The following MMUT variants were observed in gnomAD, a reference collection of about 807,000 sequenced individuals.
The protein encoded by MMUT is methylmalonyl-CoA mutase, mitochondrial.
Under a neutral mutation model 79.9 loss-of-function variants are expected in MMUT, and 79 were observed. That is an observed-to-expected ratio of 0.99 (90% CI 0.82 to 1.19). MMUT has a LOEUF of 1.19. MMUT is among the 50% of genes most tolerant of loss of function. MMUT has a pLI of 0.00. For synonymous variants in MMUT, 273 were observed against 295.7 expected, an observed-to-expected ratio of 0.92 and a Z score of 0.79; for missense variants, 860 against 917.2, an observed-to-expected ratio of 0.94 and a Z score of 0.81.
chr6:49,443,700 C>T (rs576876631), intron 9 of MMUT: 1 of 337,242 alleles, frequency 3.0e-6, no homozygotes, highest in Non-Finnish European at 5.9e-6. Context: ...CATTAAGTGC[C>T]ATATTCTGTT....
chr6:49,441,388 A>G (rs1166869529), intron 10 of MMUT, among the ~76,000 whole-genome samples: 1 of 152,010 alleles, frequency 6.6e-6, no homozygotes, highest in Non-Finnish European at 1.5e-5. Context: ...AAAAAATATG[A>G]AACTCTACCA....
chr6:49,457,982 A>T lies in MMUT; in HGVS notation c.462T>A (p.Arg154=). The T allele has an allele frequency of 6.2e-7, 1 of 1,608,134 alleles. No individual in the cohort carries two copies. The highest frequency in any genetic ancestry group is 8.5e-7 in the Non-Finnish European group (1 of 1,179,918). Residue 154 remains arginine, a synonymous_variant, in exon 3 of 13, where the codon CGT becomes CGA. Coordinates refer to ENST00000274813, the MANE Select transcript of MMUT (RefSeq NM_000255.4). ...CAACTCCAGCCATTCCAACATCACC[A>T]CGAACTCGAGGGTTGTCTGAATCAT... ...RGYDSDNPRV[R]GDVGMAGVAI... is the part of the protein sequence containing the mutation.
Position 49,459,473 on chromosome 6 carries a change from G to T in MMUT, c.-7C>A, listed in dbSNP as rs751760653. On this transcript the variant is annotated 5_prime_UTR_variant, in exon 2 of 13. Coordinates refer to ENST00000274813, the MANE Select transcript of MMUT (RefSeq NM_000255.4). ...GATTCTTAGCTCTTAACATGGTGGA[G>T]CATGGAAACACCCAATAGAAATAAG... is the stretch of plus-strand genomic sequence containing the variant. 1 of 1,608,964 alleles carries T rather than the reference G, an allele frequency of 6.2e-7. No individual in the cohort carries two copies. Among genetic ancestry groups the T allele is most frequent in the Non-Finnish European group, 8.5e-7 (1 of 1,179,922 alleles).
chr6:49,450,088 G>T (rs539992128), intron 6 of MMUT, among the ~76,000 whole-genome samples: 1 of 151,704 alleles, frequency 6.6e-6, no homozygotes, highest in Non-Finnish European at 1.5e-5. Flanking sequence ...AAAATTATCC[G>T]GGTGTGGTGG....
At position 49,453,603 on chromosome 6, in the gene MMUT, T is replaced by C; in HGVS notation, c.1065A>G (p.Gly355=). The C allele has an allele frequency of 6.2e-7, 1 of 1,610,804 alleles. No individual in the cohort carries two copies. The highest frequency in any genetic ancestry group is 8.5e-7 in the Non-Finnish European group (1 of 1,177,654). ...LLLRAHCQTS[G]WSLTEQDPYN... is the part of the protein sequence containing the mutation. ...TACATACCTGCTCAGTAAGTGACCA[T>C]CCAGATGTCTGACAGTGTGCTCTTA... The change falls in exon 5 of 13, where the codon GGA becomes GGG. Residue 355 remains glycine, a synonymous_variant. Coordinates refer to ENST00000274813, the MANE Select transcript of MMUT (RefSeq NM_000255.4).
intron 9 of MMUT, 39 bp from the exon 10 acceptor site, chr6:49,442,010 T>C (rs777592737): frequency 8.3e-6 from 13 of 1,575,526 alleles, no homozygotes; most frequent in Non-Finnish European, 1.0e-5. Context: ...CTTCATTATT[T>C]TGTGATAAAG....
intron 11 of MMUT, among the ~76,000 whole-genome samples, chr6:49,437,148 T>C (rs1767152844): frequency 6.6e-6 from 1 of 152,192 alleles, no homozygotes; most frequent in South Asian, 2.1e-4. Flanking sequence ...ATGTAATGCC[T>C]ACAGATATCA....
rs148679920 is a variant in MMUT at position 49,435,909 on chromosome 6, T to C, written c.1957-286A>G. 7.4e-4 allele frequency among the ~76,000 whole-genome samples: 112 copies of C among 152,238 alleles called. No individual in the cohort carries two copies. The Middle Eastern group carries it at 0.01, about 14-fold the overall frequency. ...GTGAATCTGACAAAGGTCTAATACC[T>C]GCATCTATAAAAAACTTAAACAAAT... On this transcript the variant is annotated intron_variant, in intron 11 of 12. Coordinates refer to ENST00000274813, the MANE Select transcript of MMUT (RefSeq NM_000255.4).
chr6:49,435,634 A>G lies in MMUT; in HGVS notation c.1957-11T>C. The G allele has an allele frequency of 6.2e-7, 1 of 1,611,332 alleles. No individual in the cohort carries two copies. On this transcript the variant is annotated splice_polypyrimidine_tract_variant and intron_variant, in intron 11 of 12. Coordinates refer to ENST00000274813, the MANE Select transcript of MMUT (RefSeq NM_000255.4). ...CACTTCACGAGGAGTCTAAACAGTC[A>G]GAAAGTAAAGATAAATCATTGTTTA...
Position 49,451,511 on chromosome 6 carries a change from G to C in MMUT, c.1287C>G (p.Tyr429Ter), listed in dbSNP as rs1346775255. The stretch of plus-strand genomic sequence containing the variant: ...CATCATTTGTGAGACATTCCATCAT[G>C]TAAGAACCTCCCCAAGGATCAGCCA... ...PKVADPWGGS[Y>*]MMECLTNDVY... The change falls in exon 6 of 13, where the codon TAC becomes TAG. Residue 429 changes from tyrosine (Y) to a stop codon, truncating the protein, a stop_gained. Coordinates refer to ENST00000274813, the MANE Select transcript of MMUT (RefSeq NM_000255.4). LOFTEE classifies it high-confidence loss of function. 7 of 1,613,934 alleles carry C rather than the reference G, an allele frequency of 4.3e-6. No homozygotes were observed. The highest frequency in any genetic ancestry group is 5.9e-6 in the Non-Finnish European group (7 of 1,179,988).
chr6:49,446,848 C>T (rs1767421565), intron 8 of MMUT, among the ~76,000 whole-genome samples: 1 of 151,240 alleles, frequency 6.6e-6, no homozygotes, highest in South Asian at 2.1e-4. Flanking sequence ...AAAATAAATA[C>T]TATTAGATTT....
At position 49,444,659 on chromosome 6, in the gene MMUT, T is replaced by C; in HGVS notation, c.1656A>G (p.Ala552=). Residue 552 remains alanine, a synonymous_variant, in exon 9 of 13, where the codon GCA becomes GCG. Coordinates refer to ENST00000274813, the MANE Select transcript of MMUT (RefSeq NM_000255.4). ...ASGDGNILAL[A]VDASRARCTV... is the part of the protein sequence containing the mutation. ...TTCACCTTGCCCGAGATGCATCCACTGCAAGAGCCAGGATATTTCCATCTC... is the reference window on the plus strand; with the variant it reads ...TTCACCTTGCCCGAGATGCATCCACCGCAAGAGCCAGGATATTTCCATCTC... The C allele has an allele frequency of 6.2e-7, 1 of 1,613,296 alleles. No individual in the cohort carries two copies. Among genetic ancestry groups the C allele is most frequent in the Non-Finnish European group, 8.5e-7 (1 of 1,179,374 alleles).
Position 49,443,487 on chromosome 6 carries a change from G to A in MMUT, c.1676+1152C>T, listed in dbSNP as rs183706497. ...TGATGTTATGGCTATTAATATTGTA[G>A]TAACAAACTGTCATTAGGTTCTGAT... On this transcript the variant is annotated intron_variant, in intron 9 of 12. Coordinates refer to ENST00000274813, the MANE Select transcript of MMUT (RefSeq NM_000255.4). Among the ~76,000 whole-genome samples the A allele has an allele frequency of 2.7e-3, 407 of 152,096 alleles. 3 individuals are homozygous for A. Among genetic ancestry groups the A allele is most frequent in the African/African-American group, 9.5e-3 (393 of 41,508 alleles).
rs935012218 is a variant in MMUT, at chr6:49,431,442, C to T, written c.*286G>A. On this transcript the variant is annotated 3_prime_UTR_variant, in exon 13 of 13. Transcript: ENST00000274813. ...TTTATAAGAAACATTCTAATAAATA[C>T]ATCACCATGATTTTTAAAAATAATA... The T allele has an allele frequency of 1.4e-5, 3 of 213,230 alleles. No individual in the cohort carries two copies. The highest frequency in any genetic ancestry group is 8.6e-5 in the South Asian group (1 of 11,574). The allele number at this position is 213,230 out of a possible 1,614,324, so 13.2% of individuals were successfully genotyped here.
intron 6 of MMUT, among the ~76,000 whole-genome samples, chr6:49,450,178 C>A (rs995925673): frequency 6.6e-6 from 1 of 150,720 alleles, no homozygotes; most frequent in Non-Finnish European, 1.5e-5. Flanking sequence ...TTGCAGTAAG[C>A]CGAGATCACG....
intron 12 of MMUT, among the ~76,000 whole-genome samples, chr6:49,432,258 T>G (rs879044110): frequency 6.6e-6 from 1 of 152,200 alleles, no homozygotes; most frequent in East Asian, 1.9e-4. Context: ...CCTAGGTATT[T>G]TGTCTGCAGT....
chr6:49,459,489 T>C lies in MMUT; in HGVS notation c.-23A>G, dbSNP rs200150817. The C allele has an allele frequency of 1.5e-5, 24 of 1,605,328 alleles. No individual in the cohort carries two copies. The highest frequency in any genetic ancestry group is 2.1e-4 in the Middle Eastern group (1 of 4,850). On this transcript the variant is annotated 5_prime_UTR_variant, in exon 2 of 13. Coordinates refer to ENST00000274813, the MANE Select transcript of MMUT (RefSeq NM_000255.4). ...CATGGTGGAGCATGGAAACACCCAATAGAAATAAGAACTGACCTAGAAAAA... is the reference window on the plus strand; with the variant it reads ...CATGGTGGAGCATGGAAACACCCAACAGAAATAAGAACTGACCTAGAAAAA...
At chr6:49,454,302 C>T (rs1316348387) in intron 4 of MMUT, among the ~76,000 whole-genome samples, 1 of 152,108 alleles carries the variant, frequency 6.6e-6, no homozygotes, top group African/African-American at 2.4e-5. Flanking sequence ...CTACTTCTGA[C>T]ACATTTTTGG....
chr6:49,448,414 T>C (rs1767463875), intron 7 of MMUT, among the ~76,000 whole-genome samples: 1 of 152,080 alleles, frequency 6.6e-6, no homozygotes, highest in Non-Finnish European at 1.5e-5. Context: ...ATAGAGGTCA[T>C]AGAGGTCATG....
Sources: allele counts gnomAD v4.1 joint callset (sites outside exome capture counted in the v4.1 genomes callset), GRCh38; gene constraint gnomAD v4.1.1; transcripts MANE v1.5; gene names NCBI Gene and HGNC (gene_info 2026-07-23, HGNC 2026-07-21).